SLC9A9: variants seen among roughly 807,000 people sequenced by gnomAD.
SLC9A9 encodes sodium/hydrogen exchanger 9.
A neutral mutation model predicts 77.8 loss-of-function variants in SLC9A9; 62 were observed. The observed-to-expected ratio is 0.80, with a 90% CI of 0.65 to 0.98. The LOEUF (loss-of-function observed/expected upper bound fraction) is 0.98. Among genes scored for constraint, SLC9A9 ranks in the 50% least tolerant of loss-of-function variants. The pLI is 0.00. For missense variants in SLC9A9, 775 were observed against 774.9 expected, an observed-to-expected ratio of 1.00 and a Z score of 0.00; for synonymous variants, 320 against 283.5, an observed-to-expected ratio of 1.13 and a Z score of -1.29.
intron 11 of SLC9A9, among the ~76,000 whole-genome samples, chr3:143,475,223 T>C (rs961266240): frequency 7.3e-5 from 11 of 151,374 alleles, no homozygotes; most frequent in African/African-American, 2.7e-4. Context: ...CGCCTCGGCC[T>C]CCCAAAGTGC....
intron 9 of SLC9A9, among the ~76,000 whole-genome samples, chr3:143,530,809 A>G (rs1354895832): frequency 1.3e-5 from 2 of 152,228 alleles, no homozygotes; most frequent in South Asian, 2.1e-4. Flanking sequence ...CCAGTGTCAT[A>G]TTGGTGGCTA....
chr3:143,781,724 T>C (rs1171246954), intron 4 of SLC9A9, among the ~76,000 whole-genome samples: 2 of 152,208 alleles, frequency 1.3e-5, no homozygotes, highest in Admixed American at 6.5e-5. Context: ...CTAGCAGCAA[T>C]GGCCTTCAAG....
At chr3:143,466,861 T>C (rs1165854046) in intron 12 of SLC9A9, among the ~76,000 whole-genome samples, 176 bp downstream of exon 12, 2 of 152,204 alleles carry the variant, frequency 1.3e-5, no homozygotes, top group African/African-American at 2.4e-5. Context: ...CCTGGAAAAG[T>C]CAGTGTGGTT....
rs554605269 is a variant in SLC9A9 at position 143,291,573 on chromosome 3, A to C, written c.1605-22593T>G. ...CTCAGGTCAGCACTCAGAAAGGAGC[A>C]GGAAAAGGCTATTGGGCTGGAGACA... On this transcript the variant is annotated intron_variant, in intron 14 of 15. Transcript: ENST00000316549. 3.9e-5 allele frequency among the ~76,000 whole-genome samples: 6 copies of C among 152,326 alleles called. No homozygotes were observed. In the South Asian group the frequency reaches 1.2e-3, roughly 32 times the overall value.
At chr3:143,307,582 TGTC>T (rs1045532151) in intron 14 of SLC9A9, among the ~76,000 whole-genome samples, 6 of 152,248 alleles carry the variant, frequency 3.9e-5, no homozygotes, top group African/African-American at 1.4e-4. Context: ...TTTCTGCTGT[TGTC>T]TGTCTGCACC....
chr3:143,396,938 A>C (rs376673077), intron 12 of SLC9A9, among the ~76,000 whole-genome samples: 4 of 152,200 alleles, frequency 2.6e-5, no homozygotes, highest in African/African-American at 9.7e-5. Flanking sequence ...GGAGTGTATA[A>C]GTATGCTGAA....
intron 9 of SLC9A9, among the ~76,000 whole-genome samples, chr3:143,516,901 C>T (rs1029825041): frequency 1.4e-4 from 21 of 152,032 alleles, no homozygotes; most frequent in African/African-American, 5.1e-4. Context: ...TATCTGCTTT[C>T]CTAAAACCTT....
At chr3:143,692,129 T>C (rs1378719950) in intron 5 of SLC9A9, among the ~76,000 whole-genome samples, 3 of 152,106 alleles carry the variant, frequency 2.0e-5, no homozygotes, top group Non-Finnish European at 4.4e-5. Context: ...TAAGGAGCTA[T>C]ATTCGATTCA....
intron 12 of SLC9A9, among the ~76,000 whole-genome samples, chr3:143,427,165 G>A (rs564271410): frequency 6.6e-6 from 1 of 152,306 alleles, no homozygotes; most frequent in South Asian, 2.1e-4. Flanking sequence ...CTCTGTGCCA[G>A]GCTAAAGCAT....
chr3:143,413,963 T>A (rs148564655), intron 12 of SLC9A9, among the ~76,000 whole-genome samples: 1 of 152,334 alleles, frequency 6.6e-6, no homozygotes, highest in African/African-American at 2.4e-5. Flanking sequence ...TCACCTCAAA[T>A]AGACCATTTA....
At chr3:143,269,519 A>G (rs1426717976) in intron 14 of SLC9A9, among the ~76,000 whole-genome samples, 2 of 152,226 alleles carry the variant, frequency 1.3e-5, no homozygotes, top group African/African-American at 4.8e-5. Flanking sequence ...AATTATGTAA[A>G]TAAGTCGGTG....
At chr3:143,805,533 C>T (rs748589439) in intron 2 of SLC9A9, among the ~76,000 whole-genome samples, 38 of 152,168 alleles carry the variant, frequency 2.5e-4, no homozygotes, top group African/African-American at 3.4e-4. Flanking sequence ...TTCACTTATA[C>T]GTCCAGATGG....
intron 14 of SLC9A9, among the ~76,000 whole-genome samples, chr3:143,324,448 G>GTGTGCC (rs1295441809): frequency 6.6e-6 from 1 of 152,186 alleles, no homozygotes; most frequent in Non-Finnish European, 1.5e-5. Flanking sequence ...TGGAAGCAGC[G>GTGTGCC]TGTGCCTAGG....
At chr3:143,847,329 G>C (rs1053856267) in intron 1 of SLC9A9, among the ~76,000 whole-genome samples, 5 of 152,176 alleles carry the variant, frequency 3.3e-5, no homozygotes, top group Non-Finnish European at 7.3e-5. Context: ...AGTAACACCA[G>C]TAAAAACTGG....
chr3:143,725,209 T>C (rs1003659162), intron 4 of SLC9A9, among the ~76,000 whole-genome samples: 1 of 152,192 alleles, frequency 6.6e-6, no homozygotes, highest in Non-Finnish European at 1.5e-5. Context: ...CCAGTTAGAA[T>C]GGCAATCATT....
chr3:143,795,213 C>A, intron 3 of SLC9A9, 136 bp from the exon 4 acceptor site: 1 of 586,804 alleles, frequency 1.7e-6, no homozygotes, highest in Non-Finnish European at 3.0e-6. Flanking sequence ...TCGTTCCTGG[C>A]CTTATTGTGC....
intron 6 of SLC9A9, among the ~76,000 whole-genome samples, chr3:143,623,765 A>C (rs1022137990): frequency 1.3e-5 from 2 of 152,248 alleles, no homozygotes; most frequent in Non-Finnish European, 2.9e-5. Context: ...AGCTAAGATC[A>C]GAGCAGAACT....
intron 12 of SLC9A9, among the ~76,000 whole-genome samples, chr3:143,439,201 A>C (rs1480807288): frequency 6.6e-6 from 1 of 152,186 alleles, no homozygotes; most frequent in African/African-American, 2.4e-5. Context: ...AATCCTCCTC[A>C]GTGACCATGT....
chr3:143,476,415 T>C (rs955655973), intron 11 of SLC9A9, among the ~76,000 whole-genome samples: 1 of 152,252 alleles, frequency 6.6e-6, no homozygotes, highest in Non-Finnish European at 1.5e-5. Context: ...AAAGAGAAGT[T>C]TGTTTTTAGA....
Sources: gnomAD v4.1 joint callset for allele counts (sites outside exome capture counted in the v4.1 genomes callset) on GRCh38, gnomAD v4.1.1 for gene constraint, MANE v1.5 for transcripts, NCBI Gene and HGNC (gene_info 2026-07-23, HGNC 2026-07-21) for gene names.